PPIP5K2: variants seen among roughly 807,000 people sequenced by gnomAD.
The protein encoded by PPIP5K2 is diphosphoinositol pentakisphosphate kinase 2.
PPIP5K2 carries 105 observed loss-of-function variants against 154.6 expected under a neutral mutation model. The observed-to-expected ratio is 0.68, with a 90% CI of 0.58 to 0.80. PPIP5K2 has a LOEUF of 0.80. Ranked by LOEUF, PPIP5K2 falls within the 30% of genes least tolerant of loss-of-function variation. PPIP5K2 has a pLI of 0.00. For missense variants in PPIP5K2, 992 were observed against 1,504.6 expected, an observed-to-expected ratio of 0.66 and a Z score of 5.64; for synonymous variants, 480 against 490.3, an observed-to-expected ratio of 0.98 and a Z score of 0.28.
chr5:103,200,940 G>T (rs1477367199), intron 30 of PPIP5K2, among the ~76,000 whole-genome samples: 1 of 152,236 alleles, frequency 6.6e-6, no homozygotes, highest in South Asian at 2.1e-4. Flanking sequence ...GCCTGGCCTA[G>T]AATAGTTTTT....
rs1439680820 is a variant in PPIP5K2, at chr5:103,171,303, G to C, written c.2287-1852G>C. Among the ~76,000 whole-genome samples, 4 of 151,392 alleles carry C rather than the reference G, an allele frequency of 2.6e-5. No homozygotes were observed. The East Asian group carries it at 7.7e-4, about 29-fold the overall frequency. ...ATAAAAACATTTAAAGACTAAATTT[G>C]ATATTAAAATTATATTAATTGAGAT... On this transcript the variant is annotated intron_variant, in intron 19 of 30. Transcript: ENST00000358359.
chr5:103,177,435 AAGTT>A (rs1265949417), intron 21 of PPIP5K2, among the ~76,000 whole-genome samples: 1 of 151,972 alleles, frequency 6.6e-6, no homozygotes, highest in Non-Finnish European at 1.5e-5. Context: ...TTGGATTTTC[AAGTT>A]AGGGATACTC....
chr5:103,129,610 C>T lies in PPIP5K2; in HGVS notation c.21C>T (p.Phe7=), dbSNP rs1790280143. MSEAPR[F]FVGPEDTEIN... is the part of the protein sequence containing the mutation. ...TAAAAATGAGTGAAGCCCCCAGATT[C>T]TTCGTTGGACCAGAAGATACAGAAA... Residue 7 remains phenylalanine (F), a synonymous_variant, in exon 2 of 31, where the codon TTC becomes TTT. Transcript: ENST00000358359. 1 of 1,601,924 alleles carries T rather than the reference C, an allele frequency of 6.2e-7. No homozygotes were observed. Among genetic ancestry groups the T allele is most frequent in the Middle Eastern group, 1.7e-4 (1 of 5,916 alleles).
At position 103,211,903 on chromosome 5, in the gene PPIP5K2, T is replaced by A. The variant is rs149093734; in HGVS notation, c.*10269T>A. 6.6e-6 allele frequency: 1 copy of A among 152,284 alleles called. No homozygotes were observed. The highest frequency in any genetic ancestry group is 2.4e-5 in the African/African-American group (1 of 41,578). 9.4% of individuals were successfully genotyped at this position (152,284 alleles called of 1,614,324 possible). On this transcript the variant is annotated 3_prime_UTR_variant, in exon 31 of 31. Coordinates refer to ENST00000358359, the MANE Select transcript of PPIP5K2 (RefSeq NM_001276277.3). ...ATAGATAAAATATTTATTTTGGAAA[T>A]ATATGTTACAGGTGAAAAGCAAGAA...
intron 26 of PPIP5K2, among the ~76,000 whole-genome samples, chr5:103,185,601 C>G (rs192560110): frequency 2.0e-5 from 3 of 151,784 alleles, no homozygotes; most frequent in Non-Finnish European, 4.4e-5. Flanking sequence ...TTATTTAATC[C>G]TTCCCCAGTG....
chr5:103,135,533 G>A (rs1402615001), intron 3 of PPIP5K2, among the ~76,000 whole-genome samples: 1 of 152,148 alleles, frequency 6.6e-6, no homozygotes, highest in East Asian at 1.9e-4. Flanking sequence ...TTGGGCTCAA[G>A]TGATCCTCCC....
intron 1 of PPIP5K2, among the ~76,000 whole-genome samples, chr5:103,127,645 C>A (rs1017792043): frequency 2.0e-5 from 3 of 152,160 alleles, no homozygotes; most frequent in South Asian, 2.1e-4. Context: ...ATACGCCAAG[C>A]ACTTATGCTA....
chr5:103,133,386 A>G lies in PPIP5K2; in HGVS notation c.115-67A>G, dbSNP rs1790960781. The G allele has an allele frequency of 2.0e-5, 27 of 1,356,496 alleles. No homozygotes were observed. In the South Asian group the frequency reaches 3.8e-4, roughly 19 times the overall value. 84.0% of individuals were successfully genotyped at this position (1,356,496 alleles called of 1,614,324 possible). On this transcript the variant is annotated intron_variant, in intron 2 of 30. Transcript: ENST00000358359. ...TGCCTTATCTACTTTTGGAAAACAAATGAAGATAGCTGTACTTTGGAGTTC... is the reference window on the plus strand; with the variant it reads ...TGCCTTATCTACTTTTGGAAAACAAGTGAAGATAGCTGTACTTTGGAGTTC...
At chr5:103,145,884 T>A (rs1793678495) in intron 5 of PPIP5K2, among the ~76,000 whole-genome samples, 1 of 152,112 alleles carries the variant, frequency 6.6e-6, no homozygotes, top group Non-Finnish European at 1.5e-5. Context: ...GAAATTAGAA[T>A]GTTCCTAACA....
At chr5:103,178,175 T>G (rs1798992525) in intron 23 of PPIP5K2, among the ~76,000 whole-genome samples, 195 bp downstream of exon 23, 1 of 152,030 alleles carries the variant, frequency 6.6e-6, no homozygotes, top group Non-Finnish European at 1.5e-5. Context: ...GAATTTTATC[T>G]TTTGTTTAGA....
intron 14 of PPIP5K2, among the ~76,000 whole-genome samples, chr5:103,157,620 A>C (rs1795616556): frequency 6.6e-6 from 1 of 152,110 alleles, no homozygotes. Context: ...TCTACTAAAA[A>C]TACAAAAATT....
At chr5:103,169,748 A>G (rs1797684315) in intron 19 of PPIP5K2, among the ~76,000 whole-genome samples, 1 of 151,750 alleles carries the variant, frequency 6.6e-6, no homozygotes. Context: ...TTCCCTGACA[A>G]TTTCTTTCAT....
At chr5:103,189,152 T>G in intron 28 of PPIP5K2, 1 of 1,516,820 alleles carries the variant, frequency 6.6e-7, no homozygotes, top group Non-Finnish European at 8.8e-7. Flanking sequence ...CCTTATTTTC[T>G]GGGCCTCTGT....
At chr5:103,158,661 C>T (rs1554214586) in intron 16 of PPIP5K2, 88 bp downstream of exon 16, 3 of 1,106,598 alleles carry the variant, frequency 2.7e-6, no homozygotes, top group Admixed American at 3.1e-5. Flanking sequence ...GTGGCTTACA[C>T]CTGTAATCCT....
chr5:103,187,452 G>C, intron 28 of PPIP5K2, 76 bp downstream of exon 28: 1 of 1,161,382 alleles, frequency 8.6e-7, no homozygotes, highest in South Asian at 1.4e-5. Context: ...TCAAAATGTG[G>C]GGTATACAGT....
chr5:103,151,537 T>A (rs1307362992), intron 9 of PPIP5K2, among the ~76,000 whole-genome samples, 163 bp downstream of exon 9: 2 of 151,400 alleles, frequency 1.3e-5, no homozygotes, highest in Non-Finnish European at 1.5e-5. Flanking sequence ...AATTATACTT[T>A]GGCTTATCAA....
intron 1 of PPIP5K2, among the ~76,000 whole-genome samples, chr5:103,125,596 A>G (rs753396092): frequency 6.6e-6 from 1 of 152,112 alleles, no homozygotes. Context: ...ACTCTTCAAA[A>G]TAACTGTCTG....
intron 28 of PPIP5K2, among the ~76,000 whole-genome samples, chr5:103,190,450 C>T (rs1487729230): frequency 3.3e-5 from 5 of 151,942 alleles, no homozygotes; most frequent in Non-Finnish European, 7.4e-5. Context: ...TTACTGTTAG[C>T]GTCCTGGCAT....
intron 29 of PPIP5K2, 85 bp downstream of exon 29, chr5:103,191,067 A>G (rs536901774): frequency 3.7e-4 from 494 of 1,341,866 alleles, no homozygotes; most frequent in Non-Finnish European, 4.7e-4. Context: ...TAACAACATA[A>G]AAGCAGGTAG....
Sources: allele counts gnomAD v4.1 joint callset (sites outside exome capture counted in the v4.1 genomes callset), GRCh38; gene constraint gnomAD v4.1.1; transcripts MANE v1.5; gene names NCBI Gene and HGNC (gene_info 2026-07-23, HGNC 2026-07-21).